Variants in HDAC8 observed in about 807,000 individuals in gnomAD.
HDAC8 encodes the protein histone deacetylase 8, also known as histone deacetylase-like 1.
HDAC8 carries 1 observed loss-of-function variant against 32.2 expected under a neutral mutation model. The observed-to-expected ratio is 0.03, with a 90% CI of 0.01 to 0.15. HDAC8 has a LOEUF of 0.15. HDAC8 is among the 10% of genes least tolerant of loss of function. The pLI, the probability that HDAC8 is intolerant of heterozygous loss-of-function variation, is 1.00. For synonymous variants in HDAC8, 108 were observed against 113.9 expected (o/e 0.95, Z 0.33); for missense variants, 117 against 300.0 (o/e 0.39, Z 4.51).
chrX:72,398,112 T>C (rs2045808772), intron 9 of HDAC8, among the ~76,000 whole-genome samples: 1 of 112,052 alleles, frequency 8.9e-6, no homozygotes, highest in Admixed American at 9.5e-5. Flanking sequence ...ACACTTAGTG[T>C]TGTTTAAATT....
intron 4 of HDAC8, among the ~76,000 whole-genome samples, chrX:72,545,382 T>A (rs959499554): frequency 1.1e-4 from 12 of 112,550 alleles, no homozygotes; most frequent in Non-Finnish European, 1.9e-4. Context: ...ATGCTTGCTA[T>A]GAGCCAGGCT....
At chrX:72,453,843 T>C (rs2047653384) in intron 9 of HDAC8, among the ~76,000 whole-genome samples, 1 of 112,322 alleles carries the variant, frequency 8.9e-6, no homozygotes, top group African/African-American at 3.2e-5. Flanking sequence ...TGAAAATTTA[T>C]CACAGACTTC....
chrX:72,354,146 T>C (rs1475091), intron 9 of HDAC8, among the ~76,000 whole-genome samples: 55,241 of 111,168 alleles, frequency 0.5, 12,448 homozygotes, highest in East Asian at 0.94. Context: ...TAGCACCTGG[T>C]TTTAACTAAC....
At chrX:72,452,471 C>T (rs2047597029) in intron 9 of HDAC8, among the ~76,000 whole-genome samples, 1 of 111,069 alleles carries the variant, frequency 9.0e-6, no homozygotes, top group Non-Finnish European at 1.9e-5. Flanking sequence ...AACAAACAAA[C>T]AAAAACCAAC....
At chrX:72,505,530 C>T (rs1238189255) in intron 4 of HDAC8, among the ~76,000 whole-genome samples, 3 of 111,614 alleles carry the variant, frequency 2.7e-5, no homozygotes, top group African/African-American at 9.8e-5. Flanking sequence ...TAATTGACTT[C>T]CTTAGGGCTA....
chrX:72,376,392 G>A (rs2045079017), intron 9 of HDAC8, among the ~76,000 whole-genome samples: 1 of 111,573 alleles, frequency 9.0e-6, no homozygotes, highest in Admixed American at 9.5e-5. Context: ...CTTTATTTCA[G>A]TTCTTCTTGC....
chrX:72,444,296 C>T lies in HDAC8; in HGVS notation c.1005+17708G>A, dbSNP rs367971490. On this transcript the variant is annotated intron_variant, in intron 9 of 10. Coordinates refer to ENST00000373573, the MANE Select transcript of HDAC8 (RefSeq NM_018486.3). Reference sequence around the variant, plus strand: ...GATGCAAAAATCCTCAATAAAATACCGGCAAACCGAATCCAGCAGCACATC... The same window carrying T: ...GATGCAAAAATCCTCAATAAAATACTGGCAAACCGAATCCAGCAGCACATC... Among the ~76,000 whole-genome samples, 144 of 107,765 alleles carry T rather than the reference C, an allele frequency of 1.3e-3. 3 individuals carry two copies. The highest frequency in any genetic ancestry group is 0.012 in the Admixed American group (124 of 9,944). The allele number at this position is 107,765 out of a possible 115,157, so 93.6% of individuals were successfully genotyped here. A position where few individuals can be genotyped will look rare whatever the true frequency, so the allele number is the denominator to read the frequency against.
chrX:72,468,807 T>TTTCA (rs1178453538), intron 7 of HDAC8, among the ~76,000 whole-genome samples: 18 of 112,246 alleles, frequency 1.6e-4, no homozygotes, highest in Admixed American at 7.5e-4. Flanking sequence ...CATTCATTCA[T>TTTCA]TTCATTCATT....
At chrX:72,349,691 C>T (rs1426015078) in intron 10 of HDAC8, among the ~76,000 whole-genome samples, 2 of 111,770 alleles carry the variant, frequency 1.8e-5, no homozygotes, top group African/African-American at 6.5e-5. Context: ...AGGGTTCTTA[C>T]CTTTCCTCGT....
chrX:72,347,581 A>G (rs2044064840), intron 10 of HDAC8, among the ~76,000 whole-genome samples: 1 of 112,010 alleles, frequency 8.9e-6, no homozygotes, highest in Non-Finnish European at 1.9e-5. Flanking sequence ...GAATGTCATC[A>G]GTACCAGAGA....
chrX:72,358,369 C>T (rs1225598995), intron 9 of HDAC8, among the ~76,000 whole-genome samples: 3 of 111,883 alleles, frequency 2.7e-5, no homozygotes, highest in African/African-American at 9.7e-5. Context: ...GCCTGCATCA[C>T]TACTCTTGTG....
At chrX:72,562,882 CT>C (rs1164766535) in intron 4 of HDAC8, among the ~76,000 whole-genome samples, 456 of 96,318 alleles carry the variant, frequency 4.7e-3, no homozygotes, top group Middle Eastern at 0.011. Context: ...TATTTTTTTT[CT>C]TTTTTTTTTT....
At chrX:72,524,440 T>A (rs2050075257) in intron 4 of HDAC8, among the ~76,000 whole-genome samples, 1 of 111,871 alleles carries the variant, frequency 8.9e-6, no homozygotes. Flanking sequence ...ACAGCGCTCT[T>A]TCCCATTAAG....
intron 9 of HDAC8, among the ~76,000 whole-genome samples, chrX:72,448,587 A>G (rs1450474189): frequency 1.8e-5 from 2 of 112,407 alleles, no homozygotes. Context: ...GACAAATGGG[A>G]TCTAATTAAA....
chrX:72,499,801 A>T (rs1244274426), intron 4 of HDAC8, among the ~76,000 whole-genome samples: 1 of 111,935 alleles, frequency 8.9e-6, no homozygotes, highest in African/African-American at 3.2e-5. Context: ...AACTGAAGGA[A>T]ATTGAGACAT....
At position 72,397,856 on chromosome X, in the gene HDAC8, CTG is replaced by C. The variant is rs1342294836; in HGVS notation, c.1006-46020_1006-46019del. ...ATTTTAATTGTTTCATAGTATTTCA[CTG>C]TGTTACCATACCACAAATATCTGTT... On this transcript the variant is annotated intron_variant, in intron 9 of 10. Transcript: ENST00000373573. 2.7e-5 allele frequency among the ~76,000 whole-genome samples: 3 copies of C among 112,292 alleles called. No individual in the cohort carries two copies. The East Asian group carries it at 8.4e-4, about 31-fold the overall frequency.
intron 4 of HDAC8, among the ~76,000 whole-genome samples, chrX:72,540,096 G>C (rs2050654816): frequency 8.9e-6 from 1 of 111,734 alleles, no homozygotes. Flanking sequence ...ACTCTTGTCT[G>C]ACACTATCAT....
intron 4 of HDAC8, among the ~76,000 whole-genome samples, chrX:72,524,419 G>A (rs1411738641): frequency 4.5e-5 from 5 of 111,797 alleles, no homozygotes; most frequent in Non-Finnish European, 9.4e-5. Flanking sequence ...GGCAGACATT[G>A]CTAATTGATC....
Position 72,508,789 on chromosome X carries a change from C to T in HDAC8, c.438-13521G>A, listed in dbSNP as rs190800204. Among the ~76,000 whole-genome samples the T allele has an allele frequency of 1.2e-4, 13 of 112,330 alleles. No individual in the cohort carries two copies. In the East Asian group the frequency reaches 3.6e-3, roughly 31 times the overall value. Reference sequence around the variant, plus strand: ...GTCCTCACGAGAAAAAAGGCCTTCACCAAATGTGGCTCCTCAACTTTGAAC... The same window carrying T: ...GTCCTCACGAGAAAAAAGGCCTTCATCAAATGTGGCTCCTCAACTTTGAAC... On this transcript the variant is annotated intron_variant, in intron 4 of 10. Transcript: ENST00000373573.
Sources: gnomAD v4.1 joint callset for allele counts (sites outside exome capture counted in the v4.1 genomes callset) on GRCh38, gnomAD v4.1.1 for gene constraint, MANE v1.5 for transcripts, NCBI Gene and HGNC (gene_info 2026-07-23, HGNC 2026-07-21) for gene names.